Variants in SKOR1 observed in about 807,000 individuals in gnomAD.
SKOR1 encodes SKI family transcriptional corepressor 1, also known as LBX1 corepressor 1.
In SKOR1, 38 loss-of-function variants were observed where a neutral mutation model predicts 72.4. The observed-to-expected ratio is 0.52, with a 90% confidence interval of 0.40 to 0.69. The LOEUF is 0.69. Ranked by LOEUF, SKOR1 falls within the 30% of genes least tolerant of loss-of-function variation. The pLI is 0.00. For missense variants in SKOR1, 1,320 were observed against 1,343.2 expected, an observed-to-expected ratio of 0.98 and a Z score of 0.27; for synonymous variants, 642 against 599.4, an observed-to-expected ratio of 1.07 and a Z score of -1.04.
intron 2 of SKOR1, 95 bp downstream of exon 2, chr15:67,828,239 G>A: frequency 7.4e-7 from 1 of 1,357,682 alleles, no homozygotes; most frequent in Non-Finnish European, 9.4e-7. Context: ...ATTTTGTTCC[G>A]CGCAGGCGTG....
chr15:67,830,898 A>C lies in SKOR1; in HGVS notation c.2587+9A>C. Reference sequence around the variant, plus strand: ...CGAGAACCTGGCCAGAGGTGAGGATAAATTTGTGAAAAAGGTGTACGCTGT... The same window carrying C: ...CGAGAACCTGGCCAGAGGTGAGGATCAATTTGTGAAAAAGGTGTACGCTGT... On this transcript the variant is annotated intron_variant, in intron 5 of 8. Coordinates refer to ENST00000380035, the MANE Select transcript of SKOR1 (RefSeq NM_001365915.1). 6.2e-7 allele frequency: 1 copy of C among 1,613,896 alleles called. No individual in the cohort carries two copies. The highest frequency in any genetic ancestry group is 8.5e-7 in the Non-Finnish European group (1 of 1,179,748).
Position 67,833,228 on chromosome 15 carries a change from C to T in SKOR1, c.2774C>T (p.Ala925Val). The change falls in exon 8 of 9, where the codon GCG becomes GTG. Residue 925 changes from alanine to valine, a missense_variant. By Grantham distance (64) the Ala-to-Val change is moderately conservative. Transcript: ENST00000380035. The surrounding 1 kb of genome is among the most constrained non-coding windows in gnomAD (Gnocchi z 6.0). ...LCNELDQERK[A>V]RYAIQQKLKE... ...AACGAACTCGACCAGGAGCGGAAGG[C>T]GCGCTATGCCATCCAGCAGAAATTG... The T allele has an allele frequency of 2.5e-6, 4 of 1,614,092 alleles. No individual in the cohort carries two copies. Among genetic ancestry groups the T allele is most frequent in the Non-Finnish European group, 8.5e-7 (1 of 1,180,028 alleles).
rs1037674396 is a variant in SKOR1 at position 67,833,934 on chromosome 15, C to A, written c.*98C>A. On this transcript the variant is annotated 3_prime_UTR_variant, in exon 9 of 9. Transcript: ENST00000380035. This position sits in a 1 kb window ranked among gnomAD's most constrained non-coding sequence, Gnocchi z 6.0. The stretch of plus-strand genomic sequence containing the variant: ...TGAGCGAGGAACAAGCCATTCGGAC[C>A]CGACCGATGTAAATACAGCCGCCCG... 7.5e-7 allele frequency: 1 copy of A among 1,333,122 alleles called. No individual in the cohort carries two copies. The highest frequency in any genetic ancestry group is 2.3e-5 in the East Asian group (1 of 43,070). 82.6% of individuals were successfully genotyped at this position (1,333,122 alleles called of 1,614,324 possible).
chr15:67,832,486 G>T lies in SKOR1; in HGVS notation c.2663-121G>T. ...AGACAAGAAACTGTCCTTTTCCAGG[G>T]CTGCAGGCGAATGGCTGGGTGGGAG... On this transcript the variant is annotated intron_variant, in intron 6 of 8. Coordinates refer to ENST00000380035, the MANE Select transcript of SKOR1 (RefSeq NM_001365915.1). The surrounding 1 kb of genome is among the most constrained non-coding windows in gnomAD (Gnocchi z 4.5). 1.5e-6 allele frequency: 2 copies of T among 1,315,788 alleles called. No individual in the cohort carries two copies. The highest frequency in any genetic ancestry group is 1.1e-6 in the Non-Finnish European group (1 of 926,300). The allele number at this position is 1,315,788 out of a possible 1,614,324, so 81.5% of individuals were successfully genotyped here.
chr15:67,833,294 G>A lies in SKOR1; in HGVS notation c.2803+37G>A. ...GGGAAACAAAGATAGGAGGGGTGCT[G>A]GGTGCCGGCCGTGCTGTCGACTGAA... On this transcript the variant is annotated intron_variant, in intron 8 of 8. Transcript: ENST00000380035. The surrounding 1 kb of genome is among the most constrained non-coding windows in gnomAD (Gnocchi z 6.0). 6.2e-7 allele frequency: 1 copy of A among 1,608,880 alleles called. No homozygotes were observed.
At position 67,826,365 on chromosome 15, in the gene SKOR1, C is replaced by T; in HGVS notation, c.537C>T (p.Phe179=). The T allele has an allele frequency of 6.2e-7, 1 of 1,613,726 alleles. No individual in the cohort carries two copies. The highest frequency in any genetic ancestry group is 1.3e-5 in the African/African-American group (1 of 75,072). ...EHKPPKLPEN[F]AFDVVHECAW... ...AACCACCCAAGCTGCCCGAGAACTTCGCCTTCGATGTGGTGCACGAGTGCG... is the reference window on the plus strand; with the variant it reads ...AACCACCCAAGCTGCCCGAGAACTTTGCCTTCGATGTGGTGCACGAGTGCG... The change falls in exon 2 of 9, where the codon TTC becomes TTT. Residue 179 remains phenylalanine, a synonymous_variant. Transcript: ENST00000380035.
chr15:67,826,025 A>G lies in SKOR1; in HGVS notation c.197A>G (p.Tyr66Cys), dbSNP rs772103949. The change falls in exon 2 of 9, where the codon TAC (tyrosine) becomes TGC (cysteine). Residue 66 changes from tyrosine (Y) to cysteine (C), a missense_variant. Tyr to Cys is a radical substitution (Grantham distance 194). Transcript: ENST00000380035. ...SPNSKQELQP[Y>C]SGSSALKPNQ... ...AACTCCAAGCAGGAGCTGCAGCCGT[A>G]CTCGGGCTCCAGCGCTCTCAAACCC... is the stretch of plus-strand genomic sequence containing the variant. 14 of 1,563,642 alleles carry G rather than the reference A, an allele frequency of 9.0e-6. No homozygotes were observed. Among genetic ancestry groups the G allele is most frequent in the Admixed American group, 1.8e-5 (1 of 54,622 alleles).
Position 67,827,388 on chromosome 15 carries a change from A to AGCG in SKOR1, c.1569_1571dup (p.Ala528dup). 6.5e-7 allele frequency: 1 copy of AGCG among 1,547,968 alleles called. No individual in the cohort carries two copies. The highest frequency in any genetic ancestry group is 8.6e-7 in the Non-Finnish European group (1 of 1,156,310). On this transcript the variant is annotated inframe_insertion, in exon 2 of 9. Coordinates refer to ENST00000380035, the MANE Select transcript of SKOR1 (RefSeq NM_001365915.1). Reference sequence around the variant, plus strand: ...CCGTGGCGGCAGCCGTGGCGGCGGCAGCGGCGGCGGCAGCGGCAGCTGCTG... The same window carrying AGCG: ...CCGTGGCGGCAGCCGTGGCGGCGGCAGCGGCGGCGGCGGCAGCGGCAGCTGCTG...
chr15:67,828,287 C>T, intron 2 of SKOR1, 143 bp downstream of exon 2: 1 of 1,327,188 alleles, frequency 7.5e-7, no homozygotes, highest in East Asian at 3.1e-5. Context: ...CAGGCCCAGC[C>T]TTGGGCGCGC....
At position 67,833,596 on chromosome 15, in the gene SKOR1, C is replaced by T; in HGVS notation, c.2804-146C>T. ...GTGGTTCTGAATCACCAGCTTTTGT[C>T]CTACCCTCCTGCCTCCTCCTGATCC... On this transcript the variant is annotated intron_variant, in intron 8 of 8. Transcript: ENST00000380035. This position sits in a 1 kb window ranked among gnomAD's most constrained non-coding sequence, Gnocchi z 6.0. 1 of 829,550 alleles carries T rather than the reference C, an allele frequency of 1.2e-6. No individual in the cohort carries two copies. The highest frequency in any genetic ancestry group is 2.0e-6 in the Non-Finnish European group (1 of 500,342). The allele number at this position is 829,550 out of a possible 1,614,324, so 51.4% of individuals were successfully genotyped here.
Position 67,825,981 on chromosome 15 carries a change from C to G in SKOR1, c.153C>G (p.Arg51=), listed in dbSNP as rs1240670363. Residue 51 remains arginine (R), a synonymous_variant, in exon 2 of 9, where the codon CGC becomes CGG. Coordinates refer to ENST00000380035, the MANE Select transcript of SKOR1 (RefSeq NM_001365915.1). This position sits in a 1 kb window ranked among gnomAD's most constrained non-coding sequence, Gnocchi z 5.6. ...EALTTQLGPG[R]EGSSSPNSKQ... ...TCACCACTCAGCTGGGGCCGGGGCG[C>G]GAGGGCAGTTCCTCGCCCAACTCCA... 6.5e-7 allele frequency: 1 copy of G among 1,527,212 alleles called. No homozygotes were observed. The highest frequency in any genetic ancestry group is 8.8e-7 in the Non-Finnish European group (1 of 1,138,032). The allele number at this position is 1,527,212 out of a possible 1,614,324, so 94.6% of individuals were successfully genotyped here. A position where few individuals can be genotyped will look rare whatever the true frequency, so the allele number is the denominator to read the frequency against.
chr15:67,831,904 G>GGGGCGGGGGGGC (rs2091010469), intron 5 of SKOR1, among the ~76,000 whole-genome samples: 2 of 104,754 alleles, frequency 1.9e-5, no homozygotes, highest in African/African-American at 7.1e-5. Flanking sequence ...GCGGCGGTGC[G>GGGGCGGGGGGGC]GGGGGGGGAG....
In SKOR1 at chr15:67,827,189, C is replaced by T. The variant is rs537133650; in HGVS notation, c.1361C>T (p.Pro454Leu). The change falls in exon 2 of 9, where the codon CCG (proline) becomes CTG (leucine). Residue 454 changes from proline (P) to leucine (L), a missense_variant. Around this residue, in one of 3 missense-constraint regions of SKOR1, gnomAD observed 1,099 missense variants for 1,025.5 expected, o/e 1.07. Transcript: ENST00000380035. ...SHLPPGAGAG[P>L]GGGAMFWGHQ... Reference sequence around the variant, plus strand: ...TTGCCCCCGGGGGCAGGGGCGGGCCCGGGCGGCGGCGCCATGTTCTGGGGG... The same window carrying T: ...TTGCCCCCGGGGGCAGGGGCGGGCCTGGGCGGCGGCGCCATGTTCTGGGGG... The T allele has an allele frequency of 1.6e-5, 22 of 1,404,750 alleles. No homozygotes were observed. The South Asian group carries it at 2.6e-4, about 17-fold the overall frequency. 87.0% of individuals were successfully genotyped at this position (1,404,750 alleles called of 1,614,324 possible). A position where few individuals can be genotyped will look rare whatever the true frequency, so the allele number is the denominator to read the frequency against.
In SKOR1 at chr15:67,826,754, G is replaced by T; in HGVS notation, c.926G>T (p.Gly309Val). ...GGTGCTGGCGGCGGTGGCGGCGGTG[G>T]CCCAGGGTGCGGTGCAGAGATGGCC... is the stretch of plus-strand genomic sequence containing the variant. ...KGGAGGGGGGGPGCGAEMAPG... is the reference protein window; with the variant it reads ...KGGAGGGGGGVPGCGAEMAPG... The change falls in exon 2 of 9, where the codon GGC (glycine) becomes GTC (valine). Residue 309 changes from glycine to valine, a missense_variant. Gly to Val is a moderately radical substitution (Grantham distance 109). Transcript: ENST00000380035. The T allele has an allele frequency of 3.9e-6, 6 of 1,536,090 alleles. No homozygotes were observed. The highest frequency in any genetic ancestry group is 5.2e-6 in the Non-Finnish European group (6 of 1,145,840).
chr15:67,833,963 G>T lies in SKOR1; in HGVS notation c.*127G>T. The T allele has an allele frequency of 1.9e-6, 2 of 1,049,588 alleles. No homozygotes were observed. Among genetic ancestry groups the T allele is most frequent in the Non-Finnish European group, 2.9e-6 (2 of 701,270 alleles). 65.0% of individuals were successfully genotyped at this position (1,049,588 alleles called of 1,614,324 possible). A position where few individuals can be genotyped will look rare whatever the true frequency, so the allele number is the denominator to read the frequency against. On this transcript the variant is annotated 3_prime_UTR_variant, in exon 9 of 9. Coordinates refer to ENST00000380035, the MANE Select transcript of SKOR1 (RefSeq NM_001365915.1). This position sits in a 1 kb window ranked among gnomAD's most constrained non-coding sequence, Gnocchi z 6.0. Reference sequence around the variant, plus strand: ...CCGATGTAAATACAGCCGCCCGTCCGCCCGCCTTCCTCCCGGGCTCCCCGG... The same window carrying T: ...CCGATGTAAATACAGCCGCCCGTCCTCCCGCCTTCCTCCCGGGCTCCCCGG...
rs368548172 is a variant in SKOR1, at chr15:67,833,863, C to A, written c.*27C>A. 4.5e-4 allele frequency: 727 copies of A among 1,598,224 alleles called. No individual in the cohort carries two copies. Among genetic ancestry groups the A allele is most frequent in the Non-Finnish European group, 5.8e-4 (686 of 1,174,476 alleles). On this transcript the variant is annotated 3_prime_UTR_variant, in exon 9 of 9. Coordinates refer to ENST00000380035, the MANE Select transcript of SKOR1 (RefSeq NM_001365915.1). The surrounding 1 kb of genome is among the most constrained non-coding windows in gnomAD (Gnocchi z 6.0). ...GCCGGCCTGGCCGCACCCCTGCGCCCTCAAGCCATGCTGCTCCTTGTAAAT... is the reference window on the plus strand; with the variant it reads ...GCCGGCCTGGCCGCACCCCTGCGCCATCAAGCCATGCTGCTCCTTGTAAAT...
rs1311659998 is a variant in SKOR1 at position 67,832,277 on chromosome 15, A to G, written c.2591A>G (p.Glu864Gly). 6.2e-7 allele frequency: 1 copy of G among 1,614,090 alleles called. No individual in the cohort carries two copies. Residue 864 changes from glutamate to glycine, a missense_variant, in exon 6 of 9, where the codon GAA (glutamate) becomes GGA (glycine). Physicochemically the swap from Glu to Gly is moderately conservative, Grantham distance 98. Around this residue, in one of 3 missense-constraint regions of SKOR1, gnomAD observed 1,099 missense variants for 1,025.5 expected, o/e 1.07. Transcript: ENST00000380035. The surrounding 1 kb of genome is among the most constrained non-coding windows in gnomAD (Gnocchi z 4.5). Reference protein sequence around the residue: ...EKDIENLAREELQKLLLEQME... With the variant: ...EKDIENLAREGLQKLLLEQME... ...TCCCACTTTTCCCCTTTCACAGAGG[A>G]ATTGCAAAAACTGCTCCTGGAACAA...
At position 67,827,038 on chromosome 15, in the gene SKOR1, G is replaced by C; in HGVS notation, c.1210G>C (p.Gly404Arg). 6.4e-7 allele frequency: 1 copy of C among 1,574,240 alleles called. No homozygotes were observed. Among genetic ancestry groups the C allele is most frequent in the South Asian group, 1.1e-5 (1 of 89,348 alleles). The change falls in exon 2 of 9, where the codon GGC becomes CGC. Residue 404 changes from glycine to arginine, a missense_variant. By Grantham distance (125) the Gly-to-Arg change is moderately radical. Coordinates refer to ENST00000380035, the MANE Select transcript of SKOR1 (RefSeq NM_001365915.1). Reference sequence around the variant, plus strand: ...TCCTTACGGCTTCCCTACGGCCTTCGGCCTATGCCCCAAAAAGGACGACCC... The same window carrying C: ...TCCTTACGGCTTCCCTACGGCCTTCCGCCTATGCCCCAAAAAGGACGACCC... ...PHPYGFPTAF[G>R]LCPKKDDPVL...
chr15:67,829,821 C>T (rs930531754), intron 3 of SKOR1, among the ~76,000 whole-genome samples: 1 of 152,240 alleles, frequency 6.6e-6, no homozygotes, highest in African/African-American at 2.4e-5. Context: ...CCACCCACCC[C>T]GAAGGTCGCA....
Sources: allele counts gnomAD v4.1 joint callset (sites outside exome capture counted in the v4.1 genomes callset), GRCh38; gene constraint gnomAD v4.1.1; regional missense constraint gnomAD v4.1.1; non-coding constraint Gnocchi (gnomAD v3.1); transcripts MANE v1.5; gene names NCBI Gene and HGNC (gene_info 2026-07-23, HGNC 2026-07-21).